The following NBPF9 variants were observed in gnomAD, a reference collection of about 807,000 sequenced individuals.
NBPF9 encodes NBPF family member NBPF9.
NBPF9 carries 91 observed loss-of-function variants against 97.8 expected under a neutral mutation model. The ratio of observed to expected loss-of-function variants is 0.93; its 90% confidence interval spans 0.79 to 1.11. NBPF9 has a LOEUF of 1.11. Ranked by LOEUF, NBPF9 falls within the 50% of genes least tolerant of loss-of-function variation. The pLI, the probability that NBPF9 is intolerant of heterozygous loss-of-function variation, is 0.00. For synonymous variants in NBPF9, 334 were observed against 359.5 expected (o/e 0.93, Z 0.80); for missense variants, 992 against 939.5 (o/e 1.06, Z -0.73).
intron 5 of NBPF9, among the ~76,000 whole-genome samples, chr1:149,088,957 T>C (rs2081225963): frequency 6.6e-6 from 1 of 150,568 alleles, no homozygotes; most frequent in South Asian, 2.1e-4. Context: ...TTTCTAATTA[T>C]TACATAAGTT....
chr1:149,093,418 C>T (rs1357541066), intron 4 of NBPF9, among the ~76,000 whole-genome samples: 1 of 152,024 alleles, frequency 6.6e-6, no homozygotes, highest in Non-Finnish European at 1.5e-5. Flanking sequence ...TCCTCCTCAG[C>T]ACAGACCCTT....
intron 18 of NBPF9, 159 bp from the exon 19 acceptor site, chr1:149,064,641 G>T (rs1473237860): frequency 9.7e-6 from 6 of 620,808 alleles, no homozygotes; most frequent in Non-Finnish European, 1.7e-5. Flanking sequence ...GTCAAGTCTT[G>T]AGAAAACTGG....
At chr1:149,055,706 C>T (rs781876636) in exon 30 of NBPF9, 8 of 1,611,760 alleles carry the variant, frequency 5.0e-6, no homozygotes, top group East Asian at 4.5e-5. Flanking sequence ...AGACTTGTCA[C>T]CGTCAAAGTA....
At chr1:149,082,857 G>T (rs1324371222) in intron 5 of NBPF9, among the ~76,000 whole-genome samples, 1 of 146,124 alleles carries the variant, frequency 6.8e-6, no homozygotes, top group Admixed American at 6.8e-5. Flanking sequence ...TAGGCTCACT[G>T]CAAGCTCTGC....
chr1:149,062,394 G>A (rs2078675825), intron 21 of NBPF9, 129 bp from the exon 22 acceptor site: 2 of 670,860 alleles, frequency 3.0e-6, no homozygotes, highest in African/African-American at 1.9e-5. Flanking sequence ...ATGAGGTAAT[G>A]AATTATTGCC....
intron 4 of NBPF9, among the ~76,000 whole-genome samples, chr1:149,095,015 T>C (rs2081645943): frequency 1.4e-5 from 2 of 146,328 alleles, no homozygotes; most frequent in Non-Finnish European, 3.0e-5. Context: ...CAGGTTCTCA[T>C]GATGAAGTTC....
chr1:149,052,454 C>T (rs11490270), downstream of NBPF9, among the ~76,000 whole-genome samples: 15 of 151,570 alleles, frequency 9.9e-5, no homozygotes, highest in South Asian at 4.2e-4. Context: ...CTTTCAGATA[C>T]GATTAACATT....
intron 5 of NBPF9, among the ~76,000 whole-genome samples, chr1:149,085,281 T>A (rs1185423282): frequency 6.6e-6 from 1 of 152,156 alleles, no homozygotes; most frequent in Non-Finnish European, 1.5e-5. Flanking sequence ...TGTACATAAG[T>A]GGGCATATTG....
intron 7 of NBPF9, among the ~76,000 whole-genome samples, chr1:149,080,643 G>T (rs1322811603): frequency 6.6e-6 from 1 of 150,682 alleles, no homozygotes; most frequent in Non-Finnish European, 1.5e-5. Flanking sequence ...ATTCAGATAT[G>T]GTTTTAAGAA....
At chr1:149,089,948 T>C (rs1575871351) in intron 5 of NBPF9, among the ~76,000 whole-genome samples, 1 of 152,134 alleles carries the variant, frequency 6.6e-6, no homozygotes, top group Non-Finnish European at 1.5e-5. Flanking sequence ...AGGGGCAGCA[T>C]CAGCCACTGT....
At position 149,063,619 on chromosome 1, in the gene NBPF9, A is replaced by G. The variant is rs1300437708; in HGVS notation, c.2026+14T>C. Reference sequence around the variant, plus strand: ...CTCAGTGGATCCTTATCACCTTCATAGAAAGGTACTCACCATCCATGTCAA... The same window carrying G: ...CTCAGTGGATCCTTATCACCTTCATGGAAAGGTACTCACCATCCATGTCAA... On this transcript the variant is annotated intron_variant, in intron 20 of 29. Coordinates refer to ENST00000584027, the Ensembl canonical transcript of NBPF9. 2 of 607,586 alleles carry G rather than the reference A, an allele frequency of 3.3e-6. No individual in the cohort carries two copies. Among genetic ancestry groups the G allele is most frequent in the South Asian group, 2.0e-5 (1 of 50,438 alleles). The allele number at this position is 607,586 out of a possible 1,614,324, so 37.6% of individuals were successfully genotyped here.
At chr1:149,074,905 G>T (rs1296468048) in intron 12 of NBPF9, among the ~76,000 whole-genome samples, 1 of 151,104 alleles carries the variant, frequency 6.6e-6, no homozygotes, top group African/African-American at 2.4e-5. Context: ...TCAGCCTCCT[G>T]GGTTCAAAGG....
chr1:149,099,963 C>T (rs2082038692), intron 3 of NBPF9, among the ~76,000 whole-genome samples: 1 of 146,154 alleles, frequency 6.8e-6, no homozygotes, highest in Non-Finnish European at 1.5e-5. Context: ...GCCTGGGCAA[C>T]AGAGCGAGAC....
At chr1:149,070,709 T>C (rs1283885088) in intron 16 of NBPF9, among the ~76,000 whole-genome samples, 1 of 151,950 alleles carries the variant, frequency 6.6e-6, no homozygotes, top group Non-Finnish European at 1.5e-5. Flanking sequence ...TGCACTCAGG[T>C]GACTATGAGA....
chr1:149,058,793 C>T (rs1553649591), intron 26 of NBPF9, 132 bp downstream of exon 26: 7 of 677,756 alleles, frequency 1.0e-5, no homozygotes, highest in African/African-American at 5.6e-5. Flanking sequence ...TTCATTACAA[C>T]CTATATGCGC....
At chr1:149,072,756 C>T (rs1333663200) in exon 14 of NBPF9, 4 of 1,604,928 alleles carry the variant, frequency 2.5e-6, no homozygotes, top group East Asian at 2.2e-5. Context: ...TGCCAGTCTA[C>T]ACCCCTCAGC....
At chr1:149,088,094 G>C (rs1373739194) in intron 5 of NBPF9, among the ~76,000 whole-genome samples, 1 of 152,172 alleles carries the variant, frequency 6.6e-6, no homozygotes, top group Non-Finnish European at 1.5e-5. Flanking sequence ...GCCTCCCAAA[G>C]TGCTGAGATT....
chr1:149,060,937 A>C, intron 23 of NBPF9: 1 of 416,878 alleles, frequency 2.4e-6, no homozygotes, highest in Non-Finnish European at 4.2e-6. Flanking sequence ...ACACACACAC[A>C]CAGAGAACGA....
chr1:149,065,545 G>A (rs1158367394), exon 18 of NBPF9: 20 of 1,610,384 alleles, frequency 1.2e-5, no homozygotes, highest in Non-Finnish European at 1.4e-5. Context: ...CAACAGCCAT[G>A]CAGACTTGCT....
Sources: gnomAD v4.1 joint callset for allele counts (sites outside exome capture counted in the v4.1 genomes callset) on GRCh38, gnomAD v4.1.1 for gene constraint, MANE v1.5 for transcripts, NCBI Gene and HGNC (gene_info 2026-07-23, HGNC 2026-07-21) for gene names.